Variants in HYAL4 observed in about 807,000 individuals in gnomAD.
HYAL4 encodes hyaluronidase 4.
HYAL4 carries 37 observed loss-of-function variants against 35.2 expected under a neutral mutation model. The observed-to-expected ratio is 1.05, with a 90% CI of 0.81 to 1.38. The LOEUF is 1.38. Among genes scored for constraint, HYAL4 ranks in the 40% most tolerant of loss-of-function variants. The pLI is 0.00. For synonymous variants in HYAL4, 198 were observed against 203.2 expected (o/e 0.97, Z 0.22); for missense variants, 572 against 572.4 (o/e 1.00, Z 0.01).
At chr7:123,804,839 A>G in the HYAL4 span, among the ~76,000 whole-genome samples, 4 of 152,224 alleles carry the variant, frequency 2.6e-5, no homozygotes, top group South Asian at 8.3e-4. Context: ...TTTCACAGGA[A>G]GTCCTTCAAT....
At chr7:123,854,516 C>T (rs1024999343) in intron 2 of HYAL4, among the ~76,000 whole-genome samples, 14 of 151,992 alleles carry the variant, frequency 9.2e-5, no homozygotes, top group Admixed American at 5.2e-4. Context: ...TCAGTTCCCA[C>T]GTAGTTGTGT....
chr7:123,823,965 T>A, the HYAL4 span, among the ~76,000 whole-genome samples: 1 of 152,058 alleles, frequency 6.6e-6, no homozygotes, highest in South Asian at 2.1e-4. Flanking sequence ...TAACAAACAG[T>A]CTCAGTTTCA....
chr7:123,828,980 A>G (rs139767781), upstream of HYAL4: 11 of 152,760 alleles, frequency 7.2e-5, no homozygotes, highest in Admixed American at 2.0e-4. Flanking sequence ...CTGTGCAGCA[A>G]TCTATCCGAG....
the HYAL4 span, among the ~76,000 whole-genome samples, chr7:123,774,561 C>T: frequency 1.6e-4 from 24 of 152,040 alleles, no homozygotes; most frequent in Admixed American, 3.3e-4. Flanking sequence ...TCTTTTTCCC[C>T]TAATTCATGG....
chr7:123,869,901 G>C (rs1806832921), intron 3 of HYAL4, among the ~76,000 whole-genome samples: 1 of 150,490 alleles, frequency 6.6e-6, no homozygotes, highest in African/African-American at 2.5e-5. Context: ...TGTTGGACAG[G>C]CTGGCCTTGA....
chr7:123,765,041 C>G, the HYAL4 span, among the ~76,000 whole-genome samples: 1 of 152,090 alleles, frequency 6.6e-6, no homozygotes, highest in South Asian at 2.1e-4. Flanking sequence ...CAAAAAAATG[C>G]AACATTAAGT....
chr7:123,873,606 T>C (rs559156934), intron 3 of HYAL4, among the ~76,000 whole-genome samples: 53 of 152,286 alleles, frequency 3.5e-4, no homozygotes, highest in African/African-American at 1.3e-3. Flanking sequence ...AAATTCACCC[T>C]TGGAGTAAAA....
intron 3 of HYAL4, among the ~76,000 whole-genome samples, chr7:123,870,827 C>A (rs1806861562): frequency 6.6e-6 from 1 of 151,400 alleles, no homozygotes; most frequent in Non-Finnish European, 1.5e-5. Flanking sequence ...GGAATGGAAT[C>A]AAAATTTAAA....
chr7:123,768,532 T>C, the HYAL4 span, among the ~76,000 whole-genome samples: 1 of 152,228 alleles, frequency 6.6e-6, no homozygotes, highest in Non-Finnish European at 1.5e-5. Context: ...GGATGTTTTT[T>C]GCTTATGATC....
chr7:123,838,253 T>G (rs1805998305), intron 1 of HYAL4, among the ~76,000 whole-genome samples: 1 of 151,896 alleles, frequency 6.6e-6, no homozygotes, highest in Non-Finnish European at 1.5e-5. Context: ...TTTTTTTTTT[T>G]TTTTGGAAAT....
At chr7:123,837,936 G>C (rs1202816428) in intron 1 of HYAL4, among the ~76,000 whole-genome samples, 2 of 151,954 alleles carry the variant, frequency 1.3e-5, no homozygotes, top group Non-Finnish European at 2.9e-5. Flanking sequence ...CATTTGGCTT[G>C]GTTCCAAGTC....
At chr7:123,778,075 C>G in the HYAL4 span, among the ~76,000 whole-genome samples, 2 of 151,992 alleles carry the variant, frequency 1.3e-5, no homozygotes, top group Non-Finnish European at 1.5e-5. Context: ...AAGACAACTC[C>G]TATATACCTT....
At chr7:123,792,251 A>G in the HYAL4 span, among the ~76,000 whole-genome samples, 2 of 152,220 alleles carry the variant, frequency 1.3e-5, no homozygotes, top group Non-Finnish European at 2.9e-5. Context: ...TTTGCTTTTT[A>G]TCATTATTTA....
chr7:123,857,681 C>CTTTCTTTG, intron 2 of HYAL4, among the ~76,000 whole-genome samples: 1 of 102,154 alleles, frequency 9.8e-6, no homozygotes, highest in Admixed American at 9.8e-5. Flanking sequence ...TTCTTTCTTT[C>CTTTCTTTG]TTTCTTTCTT....
chr7:123,817,756 C>T, the HYAL4 span, among the ~76,000 whole-genome samples: 44 of 150,220 alleles, frequency 2.9e-4, no homozygotes, highest in African/African-American at 9.3e-4. Context: ...GTGATCCACC[C>T]GCCTCAGCCT....
chr7:123,793,732 C>A, the HYAL4 span, among the ~76,000 whole-genome samples: 3 of 152,168 alleles, frequency 2.0e-5, no homozygotes, highest in Non-Finnish European at 2.9e-5. Context: ...TCAATTAAAT[C>A]TCTTTTCTTT....
intron 2 of HYAL4, among the ~76,000 whole-genome samples, chr7:123,865,459 C>A (rs893745738): frequency 6.6e-6 from 1 of 152,120 alleles, no homozygotes; most frequent in African/African-American, 2.4e-5. Flanking sequence ...CTCTTCAAAT[C>A]ATAATTTAGA....
the HYAL4 span, among the ~76,000 whole-genome samples, chr7:123,773,502 G>C: frequency 1.7e-4 from 26 of 152,208 alleles, 1 homozygote; most frequent in South Asian, 1.2e-3. Context: ...ATTTGTACTA[G>C]TTCAAACAGG....
At chr7:123,802,660 A>G in the HYAL4 span, among the ~76,000 whole-genome samples, 7 of 152,228 alleles carry the variant, frequency 4.6e-5, no homozygotes, top group Non-Finnish European at 1.0e-4. Flanking sequence ...TTACTCTTCA[A>G]CGCCCTATAG....
Sources: gnomAD v4.1 joint callset for allele counts (sites outside exome capture counted in the v4.1 genomes callset) on GRCh38, gnomAD v4.1.1 for gene constraint, MANE v1.5 for transcripts, NCBI Gene and HGNC (gene_info 2026-07-23, HGNC 2026-07-21) for gene names.